Variants in COL15A1 observed in about 807,000 individuals in gnomAD.
The protein encoded by COL15A1 is collagen type XV alpha 1 chain.
A neutral mutation model predicts 165.9 loss-of-function variants in COL15A1; 111 were observed. That is an observed-to-expected ratio of 0.67 (90% confidence interval 0.57 to 0.78). The LOEUF (loss-of-function observed/expected upper bound fraction) is 0.78, where lower values mean the gene tolerates loss of function less well. Ranked by LOEUF, COL15A1 falls within the 30% of genes least tolerant of loss-of-function variation. COL15A1 has a pLI of 0.00. For missense variants in COL15A1, 1,745 were observed against 1,789.7 expected, an observed-to-expected ratio of 0.98 and a Z score of 0.45; for synonymous variants, 659 against 674.8, an observed-to-expected ratio of 0.98 and a Z score of 0.36.
At chr9:99,068,759 C>A in intron 41 of COL15A1, 89 bp downstream of exon 41, 1 of 779,234 alleles carries the variant, frequency 1.3e-6, no homozygotes, top group Non-Finnish European at 2.1e-6. Context: ...AGCTGCTTCT[C>A]TAGGATATTG....
At chr9:98,960,480 C>T (rs1047911202) in intron 2 of COL15A1, among the ~76,000 whole-genome samples, 6 of 152,138 alleles carry the variant, frequency 3.9e-5, no homozygotes, top group African/African-American at 1.4e-4. Context: ...CAGATCTAGA[C>T]CCACAGCATC....
At chr9:98,971,195 T>C (rs1233406127) in intron 2 of COL15A1, among the ~76,000 whole-genome samples, 1 of 152,186 alleles carries the variant, frequency 6.6e-6, no homozygotes, top group Non-Finnish European at 1.5e-5. Flanking sequence ...ATGCTGGGCC[T>C]GACGGCTTCC....
rs367928039 is a variant in COL15A1, at chr9:99,038,733, G to A, written c.2475G>A (p.Pro825=). Residue 825 remains proline, a splice_region_variant and synonymous_variant, in exon 22 of 42, where the codon CCG becomes CCA. Coordinates refer to ENST00000375001, the MANE Select transcript of COL15A1 (RefSeq NM_001855.5). ...FSDIPELVGP[P]GPDGLPGLPG... is the part of the protein sequence containing the mutation. ...ACATTCCTGAGCTGGTGGGGCCTCC[G>A]GTTGGTATCTACAGCTGCCCCAGAA... 3.6e-5 allele frequency: 57 copies of A among 1,595,794 alleles called. No individual in the cohort carries two copies. Among genetic ancestry groups the A allele is most frequent in the Admixed American group, 6.7e-5 (4 of 59,932 alleles).
intron 39 of COL15A1, among the ~76,000 whole-genome samples, chr9:99,065,169 A>G (rs1825872321): frequency 6.6e-6 from 1 of 152,240 alleles, no homozygotes; most frequent in Non-Finnish European, 1.5e-5. Flanking sequence ...CCGTAATTTC[A>G]GACATTTCTC....
At chr9:98,959,236 A>AAAC (rs999663390) in intron 2 of COL15A1, among the ~76,000 whole-genome samples, 5 of 151,568 alleles carry the variant, frequency 3.3e-5, no homozygotes, top group South Asian at 4.2e-4. Flanking sequence ...ACAAAAAAAA[A>AAAC]AAAAAAAAAA....
intron 16 of COL15A1, among the ~76,000 whole-genome samples, chr9:99,029,280 G>T (rs1839177239): frequency 6.6e-6 from 1 of 152,242 alleles, no homozygotes; most frequent in Non-Finnish European, 1.5e-5. Context: ...CAGAATTACT[G>T]TGGAATGCTG....
At position 99,070,540 on chromosome 9, in the gene COL15A1, T is replaced by G. The variant is rs1443908930; in HGVS notation, c.*654T>G. The G allele has an allele frequency of 2.7e-6, 1 of 368,414 alleles. No individual in the cohort carries two copies. Among genetic ancestry groups the G allele is most frequent in the Non-Finnish European group, 5.4e-6 (1 of 183,614 alleles). The allele number at this position is 368,414 out of a possible 1,614,324, so 22.8% of individuals were successfully genotyped here. A position where few individuals can be genotyped will look rare whatever the true frequency, so the allele number is the denominator to read the frequency against. ...TCTGACTTGCTGGAAAAGTTGAAAC[T>G]CCAAATAATCTGAAACTAGAAAAGA... On this transcript the variant is annotated 3_prime_UTR_variant, in exon 42 of 42. Coordinates refer to ENST00000375001, the MANE Select transcript of COL15A1 (RefSeq NM_001855.5).
chr9:98,975,287 C>T (rs988955709), intron 2 of COL15A1, among the ~76,000 whole-genome samples: 6 of 152,230 alleles, frequency 3.9e-5, no homozygotes, highest in African/African-American at 1.4e-4. Context: ...AAGCCAGCTA[C>T]AGTTCTCTAG....
intron 2 of COL15A1, among the ~76,000 whole-genome samples, chr9:98,963,706 G>A (rs1160764527): frequency 6.6e-6 from 1 of 151,488 alleles, no homozygotes; most frequent in Non-Finnish European, 1.5e-5. Flanking sequence ...TCCTCATCTG[G>A]ATGGTGGTGG....
intron 41 of COL15A1, 144 bp from the exon 42 acceptor site, chr9:99,069,529 C>T (rs746717910): frequency 9.1e-5 from 96 of 1,053,042 alleles, no homozygotes; most frequent in Non-Finnish European, 1.3e-4. Flanking sequence ...AGAAAGCTAG[C>T]AAGGGCAATG....
chr9:98,948,596 CAAAAAA>C (rs67986686), intron 2 of COL15A1, among the ~76,000 whole-genome samples: 2 of 100,528 alleles, frequency 2.0e-5, no homozygotes, highest in South Asian at 3.8e-4. Flanking sequence ...GACTCTGTCT[CAAAAAA>C]AAAAAAAAAA....
At chr9:98,988,061 G>C (rs1196360902) in intron 4 of COL15A1, among the ~76,000 whole-genome samples, 3 of 152,232 alleles carry the variant, frequency 2.0e-5, no homozygotes, top group African/African-American at 4.8e-5. Flanking sequence ...CAAGGGTGAG[G>C]CCTCCCAGGG....
rs1838638643 is a variant in COL15A1, at chr9:99,000,835, G to A, written c.953-4G>A. 4.2e-6 allele frequency: 6 copies of A among 1,442,244 alleles called. No individual in the cohort carries two copies. Among genetic ancestry groups the A allele is most frequent in the East Asian group, 2.3e-5 (1 of 43,922 alleles). The allele number at this position is 1,442,244 out of a possible 1,614,324, so 89.3% of individuals were successfully genotyped here. A position where few individuals can be genotyped will look rare whatever the true frequency, so the allele number is the denominator to read the frequency against. The stretch of plus-strand genomic sequence containing the variant: ...ATTGATAGCAGAATGCCTGCTTCCT[G>A]TAGGGTCTGGTGAGATCCTGAATGA... On this transcript the variant is annotated splice_polypyrimidine_tract_variant and splice_region_variant and intron_variant, in intron 6 of 41. Coordinates refer to ENST00000375001, the MANE Select transcript of COL15A1 (RefSeq NM_001855.5).
At chr9:99,050,012 T>A (rs1409160297) in intron 30 of COL15A1, 117 bp downstream of exon 30, 2 of 1,421,018 alleles carry the variant, frequency 1.4e-6, no homozygotes, top group East Asian at 4.6e-5. Flanking sequence ...TGATGTCTTC[T>A]GTCCCCTAAG....
chr9:99,036,277 G>A, intron 20 of COL15A1, 36 bp from the exon 21 acceptor site: 1 of 1,614,080 alleles, frequency 6.2e-7, no homozygotes, highest in Non-Finnish European at 8.5e-7. Context: ...TCGCTGTACA[G>A]TGAATTTTTT....
At chr9:99,047,427 C>T (rs1839509748) in intron 26 of COL15A1, among the ~76,000 whole-genome samples, 2 of 152,188 alleles carry the variant, frequency 1.3e-5, no homozygotes, top group African/African-American at 2.4e-5. Flanking sequence ...AGACCTAGGG[C>T]AGAGGTCCAT....
intron 11 of COL15A1, among the ~76,000 whole-genome samples, chr9:99,018,017 A>G (rs189745721): frequency 6.6e-6 from 1 of 152,118 alleles, no homozygotes; most frequent in East Asian, 1.9e-4. Context: ...TCAAAAATCA[A>G]CCCCAAACAT....
Position 99,033,630 on chromosome 9 carries a change from G to T in COL15A1, c.2044-919G>T, listed in dbSNP as rs113651278. Among the ~76,000 whole-genome samples, 439 of 152,256 alleles carry T rather than the reference G, an allele frequency of 2.9e-3. 4 individuals are homozygous for T. Among genetic ancestry groups the T allele is most frequent in the African/African-American group, 9.9e-3 (413 of 41,548 alleles). ...CACTCCCCATCTTATTTTTGAGCAC[G>T]GCTATTTTAGAACTATCCATTCTCT... On this transcript the variant is annotated intron_variant, in intron 16 of 41. Transcript: ENST00000375001.
chr9:99,032,586 T>A lies in COL15A1; in HGVS notation c.2044-1963T>A, dbSNP rs77441060. Among the ~76,000 whole-genome samples, 480 of 152,358 alleles carry A rather than the reference T, an allele frequency of 3.2e-3. 3 individuals carry two copies. Among genetic ancestry groups the A allele is most frequent in the Non-Finnish European group, 4.7e-3 (320 of 68,038 alleles). On this transcript the variant is annotated intron_variant, in intron 16 of 41. Transcript: ENST00000375001. The stretch of plus-strand genomic sequence containing the variant: ...GGGTGCCTTTTAATCTGGAGACTTC[T>A]GTGTTTTTTCAGAAAATTTAAACAC...
Sources: gnomAD v4.1 joint callset for allele counts (sites outside exome capture counted in the v4.1 genomes callset) on GRCh38, gnomAD v4.1.1 for gene constraint, MANE v1.5 for transcripts, NCBI Gene and HGNC (gene_info 2026-07-23, HGNC 2026-07-21) for gene names.